The following MICU1 variants were observed in gnomAD, a reference collection of about 807,000 sequenced individuals.
The protein encoded by MICU1 is mitochondrial calcium uptake 1.
In MICU1, 45 loss-of-function variants were observed where a neutral mutation model predicts 56.8. That is an observed-to-expected ratio of 0.79 (90% CI 0.62 to 1.02). MICU1 has a LOEUF of 1.02. Among genes scored for constraint, MICU1 ranks in the 50% least tolerant of loss-of-function variants. The probability of loss-of-function intolerance (pLI) is 0.00; values close to 1 mark genes in which losing one functional copy is unlikely to be tolerated. For missense variants in MICU1, 504 were observed against 587.1 expected (o/e 0.86, Z 1.46); for synonymous variants, 186 against 195.1 (o/e 0.95, Z 0.39).
At chr10:72,513,475 A>C (rs920044306) in intron 5 of MICU1, among the ~76,000 whole-genome samples, 2 of 152,236 alleles carry the variant, frequency 1.3e-5, no homozygotes, top group African/African-American at 4.8e-5. Flanking sequence ...TATCATAGAC[A>C]TATCTGCAAA....
rs377240279 is a variant in MICU1 at position 72,559,511 on chromosome 10, T to C, written c.330+3384A>G. 2.6e-5 allele frequency among the ~76,000 whole-genome samples: 4 copies of C among 151,638 alleles called. No individual in the cohort carries two copies. In the East Asian group the frequency reaches 5.8e-4, roughly 22 times the overall value. ...ATATTACATAAAAATTAAGAGAACA[T>C]AAAAAAACAAAAATATAAATGAAAA... On this transcript the variant is annotated intron_variant, in intron 3 of 11. Transcript: ENST00000361114.
At chr10:72,371,109 G>C (rs1454474159) in intron 11 of MICU1, among the ~76,000 whole-genome samples, 1 of 151,684 alleles carries the variant, frequency 6.6e-6, no homozygotes, top group Non-Finnish European at 1.5e-5. Context: ...GCTTGGGCTG[G>C]GTGCAGTGGC....
At chr10:72,374,274 G>A (rs1252990859) in intron 11 of MICU1, among the ~76,000 whole-genome samples, 1 of 152,120 alleles carries the variant, frequency 6.6e-6, no homozygotes, top group African/African-American at 2.4e-5. Context: ...GCACACATGT[G>A]CTACCATGCC....
intron 1 of MICU1, among the ~76,000 whole-genome samples, chr10:72,623,908 T>C (rs1385706066): frequency 2.0e-5 from 3 of 151,826 alleles, no homozygotes; most frequent in South Asian, 2.1e-4. Context: ...AATTAATTAA[T>C]TAATTAAAAA....
chr10:72,406,183 T>C (rs1863624773), intron 10 of MICU1, among the ~76,000 whole-genome samples: 1 of 152,104 alleles, frequency 6.6e-6, no homozygotes, highest in Non-Finnish European at 1.5e-5. Context: ...TATTTTAATA[T>C]TAGCAGCAAA....
Position 72,464,428 on chromosome 10 carries a change from C to T in MICU1, c.933+10672G>A, listed in dbSNP as rs188654529. Among the ~76,000 whole-genome samples the T allele has an allele frequency of 3.1e-4, 47 of 151,942 alleles. No homozygotes were observed. In the East Asian group the frequency reaches 8.5e-3, roughly 28 times the overall value. On this transcript the variant is annotated intron_variant, in intron 8 of 11. Coordinates refer to ENST00000361114, the MANE Select transcript of MICU1 (RefSeq NM_001195518.2). ...TTAGGTTAAATAATGCTTGCTGTGGCATTTCCTCACCAGATTTTTGCAAGG... is the reference window on the plus strand; with the variant it reads ...TTAGGTTAAATAATGCTTGCTGTGGTATTTCCTCACCAGATTTTTGCAAGG...
At chr10:72,426,837 G>A (rs1864362242) in intron 8 of MICU1, among the ~76,000 whole-genome samples, 2 of 152,146 alleles carry the variant, frequency 1.3e-5, no homozygotes, top group South Asian at 2.1e-4. Flanking sequence ...TGCACTCCTG[G>A]AGTGCCATAT....
chr10:72,499,538 C>A (rs1866957090), intron 6 of MICU1, among the ~76,000 whole-genome samples: 1 of 152,176 alleles, frequency 6.6e-6, no homozygotes, highest in Non-Finnish European at 1.5e-5. Context: ...AAGCACCTCT[C>A]ATAGGCTAAA....
chr10:72,522,617 C>A (rs1182851318), intron 5 of MICU1, among the ~76,000 whole-genome samples: 1 of 152,080 alleles, frequency 6.6e-6, no homozygotes, highest in African/African-American at 2.4e-5. Context: ...TATGGATACT[C>A]CTCACAGCAG....
At chr10:72,505,280 A>G (rs998425573) in intron 6 of MICU1, among the ~76,000 whole-genome samples, 1 of 152,122 alleles carries the variant, frequency 6.6e-6, no homozygotes, top group African/African-American at 2.4e-5. Flanking sequence ...TGCCCAGCCT[A>G]GAATGGCTAT....
intron 8 of MICU1, among the ~76,000 whole-genome samples, chr10:72,450,765 T>C (rs1381172455): frequency 6.7e-6 from 1 of 148,780 alleles, no homozygotes; most frequent in African/African-American, 2.5e-5. Context: ...CACTCTCTCA[T>C]CCAGGCTGGA....
chr10:72,450,997 TGA>T (rs957761966), intron 8 of MICU1, among the ~76,000 whole-genome samples: 3 of 150,538 alleles, frequency 2.0e-5, no homozygotes, highest in African/African-American at 7.3e-5. Context: ...ATTACAGGCG[TGA>T]GCTACTGCGC....
intron 4 of MICU1, among the ~76,000 whole-genome samples, chr10:72,542,425 T>G (rs999947939): frequency 2.0e-5 from 3 of 152,192 alleles, no homozygotes; most frequent in African/African-American, 7.2e-5. Flanking sequence ...ACAGGACTCA[T>G]GACAGGGGTG....
intron 10 of MICU1, among the ~76,000 whole-genome samples, chr10:72,382,005 CAT>C (rs1554858319): frequency 3.5e-5 from 5 of 143,020 alleles, no homozygotes; most frequent in Admixed American, 7.0e-5. Flanking sequence ...CACACACACA[CAT>C]TAAGATGGAG....
intron 10 of MICU1, among the ~76,000 whole-genome samples, chr10:72,387,723 A>AAAGCAGTAG (rs1171354463): frequency 1.3e-4 from 19 of 149,010 alleles, no homozygotes; most frequent in Admixed American, 2.0e-4. Flanking sequence ...TGACTAAAAA[A>AAAGCAGTAG]AAGCAGTAGA....
chr10:72,516,674 C>A (rs1867655522), intron 5 of MICU1, among the ~76,000 whole-genome samples: 1 of 152,034 alleles, frequency 6.6e-6, no homozygotes, highest in African/African-American at 2.4e-5. Flanking sequence ...TTTCCCAGCA[C>A]CATTTATTAA....
chr10:72,434,494 T>C (rs915068368), intron 8 of MICU1, among the ~76,000 whole-genome samples: 1 of 152,094 alleles, frequency 6.6e-6, no homozygotes, highest in Non-Finnish European at 1.5e-5. Context: ...AGATCTTATA[T>C]CCAATTTCTG....
At chr10:72,511,017 C>T (rs1418014450) in intron 5 of MICU1, among the ~76,000 whole-genome samples, 1 of 152,200 alleles carries the variant, frequency 6.6e-6, no homozygotes, top group East Asian at 1.9e-4. Context: ...ATGTAATCCA[C>T]AATCATAAAC....
intron 9 of MICU1, among the ~76,000 whole-genome samples, chr10:72,421,428 C>A (rs143255809): frequency 0.011 from 1,707 of 152,248 alleles, 32 homozygotes; most frequent in African/African-American, 0.039. Context: ...GCGCCCACCA[C>A]CACGCCTGGC....
Sources: allele counts gnomAD v4.1 joint callset (sites outside exome capture counted in the v4.1 genomes callset), GRCh38; gene constraint gnomAD v4.1.1; transcripts MANE v1.5; gene names NCBI Gene and HGNC (gene_info 2026-07-23, HGNC 2026-07-21).